RRBP1: variants seen among roughly 807,000 people sequenced by gnomAD.
The protein encoded by RRBP1 is ribosome binding protein 1.
In RRBP1, 94 loss-of-function variants were observed where a neutral mutation model predicts 165.2. The observed-to-expected ratio is 0.57, with a 90% CI of 0.48 to 0.68. The LOEUF is 0.68. Among genes scored for constraint, RRBP1 ranks in the 30% least tolerant of loss-of-function variants. The pLI is 0.00. For missense variants in RRBP1, 1,676 were observed against 1,763.0 expected (o/e 0.95, Z 0.88); for synonymous variants, 680 against 714.5 (o/e 0.95, Z 0.77).
chr20:17,668,178 A>T (rs1217971186), intron 2 of RRBP1, among the ~76,000 whole-genome samples: 1 of 152,206 alleles, frequency 6.6e-6, no homozygotes, highest in African/African-American at 2.4e-5. Context: ...TTGGCCACAC[A>T]GTTCTTCGAA....
intron 13 of RRBP1, 82 bp from the exon 14 acceptor site, chr20:17,622,029 G>C: frequency 1.9e-6 from 2 of 1,028,610 alleles, no homozygotes; most frequent in South Asian, 2.5e-5. Flanking sequence ...TGATATGCCC[G>C]GGTCTCTGCC....
intron 2 of RRBP1, among the ~76,000 whole-genome samples, chr20:17,670,522 A>G (rs1347450489): frequency 2.0e-5 from 3 of 151,152 alleles, no homozygotes; most frequent in Admixed American, 2.0e-4. Flanking sequence ...TAATTCTATT[A>G]TCCCTTCCAA....
chr20:17,681,264 C>T (rs1381674482), intron 1 of RRBP1, among the ~76,000 whole-genome samples: 1 of 148,490 alleles, frequency 6.7e-6, no homozygotes, highest in African/African-American at 2.4e-5. Context: ...CCAGGCTCCG[C>T]GCAGCCCAGC....
chr20:17,653,564 G>T (rs949140521), intron 3 of RRBP1, among the ~76,000 whole-genome samples: 16 of 152,204 alleles, frequency 1.1e-4, no homozygotes, highest in Admixed American at 1.0e-3. Flanking sequence ...GGCCAGGCGC[G>T]GTGGCTCACG....
At chr20:17,652,779 G>A (rs534401405) in intron 3 of RRBP1, among the ~76,000 whole-genome samples, 1 of 152,344 alleles carries the variant, frequency 6.6e-6, no homozygotes, top group South Asian at 2.1e-4. Flanking sequence ...AACAAAGGGA[G>A]GAACCCACGG....
intron 4 of RRBP1, among the ~76,000 whole-genome samples, chr20:17,642,734 C>T (rs943219314): frequency 6.6e-6 from 1 of 152,144 alleles, no homozygotes; most frequent in African/African-American, 2.4e-5. Context: ...GCCCCAGCTC[C>T]CTAGATCCCA....
intron 5 of RRBP1, among the ~76,000 whole-genome samples, chr20:17,639,529 C>T (rs1337529784): frequency 6.6e-6 from 1 of 152,250 alleles, no homozygotes; most frequent in African/African-American, 2.4e-5. Flanking sequence ...GGAACTGCCA[C>T]ACTCTCTGGA....
chr20:17,642,285 G>A (rs763588964), intron 4 of RRBP1, among the ~76,000 whole-genome samples: 4 of 152,208 alleles, frequency 2.6e-5, no homozygotes, highest in Non-Finnish European at 5.9e-5. Flanking sequence ...TGGGGGCCGG[G>A]TACTCTGAGG....
At chr20:17,640,132 G>A (rs572673590) in intron 5 of RRBP1, among the ~76,000 whole-genome samples, 1 of 152,224 alleles carries the variant, frequency 6.6e-6, no homozygotes, top group Non-Finnish European at 1.5e-5. Flanking sequence ...GCTGAGCCTG[G>A]TGAGACCACC....
rs967389084 is a variant in RRBP1 at position 17,660,569 on chromosome 20, G to A, written c.-21-41C>T. 11 of 1,240,062 alleles carry A rather than the reference G, an allele frequency of 8.9e-6. No individual in the cohort carries two copies. In the African/African-American group the frequency reaches 9.0e-5, roughly 10 times the overall value. The allele number at this position is 1,240,062 out of a possible 1,614,324, so 76.8% of individuals were successfully genotyped here. On this transcript the variant is annotated intron_variant, in intron 2 of 24. Transcript: ENST00000377813. ...GGAGGTTACTATTTATAGAAATCAA[G>A]GCCTTCAACAGTTTCTATCCCCACC...
chr20:17,648,129 G>A (rs538775340), intron 3 of RRBP1, among the ~76,000 whole-genome samples: 2 of 152,174 alleles, frequency 1.3e-5, no homozygotes, highest in Non-Finnish European at 2.9e-5. Flanking sequence ...CTCTCAACCT[G>A]AGGAGCCGGC....
At chr20:17,679,188 G>A (rs1460158391) in intron 2 of RRBP1, among the ~76,000 whole-genome samples, 3 of 152,182 alleles carry the variant, frequency 2.0e-5, no homozygotes, top group Non-Finnish European at 2.9e-5. Context: ...TTATTTTAAG[G>A]CCTAAATGTA....
At chr20:17,657,072 C>G (rs918335207) in intron 3 of RRBP1, among the ~76,000 whole-genome samples, 5 of 152,208 alleles carry the variant, frequency 3.3e-5, no homozygotes, top group Admixed American at 3.3e-4. Context: ...CCATGGGATG[C>G]AGGAAGCTGT....
chr20:17,667,222 C>T (rs900794348), intron 2 of RRBP1, among the ~76,000 whole-genome samples: 1 of 152,048 alleles, frequency 6.6e-6, no homozygotes, highest in African/African-American at 2.4e-5. Flanking sequence ...GCCCATAAAA[C>T]CATCAGGATT....
intron 11 of RRBP1, 40 bp from the exon 12 acceptor site, chr20:17,625,642 GGCTACAGCCCCT>G: frequency 6.4e-7 from 1 of 1,555,130 alleles, no homozygotes; most frequent in Admixed American, 1.7e-5. Flanking sequence ...GGCTCCAAGG[GGCTACAGCCCCT>G]ACAGATCCCA....
intron 24 of RRBP1, 124 bp downstream of exon 24, chr20:17,614,613 G>C (rs2035755812): frequency 4.0e-6 from 5 of 1,263,070 alleles, no homozygotes; most frequent in Non-Finnish European, 1.1e-6. Flanking sequence ...CCTCCCCTGG[G>C]GCTCCCAGCC....
Position 17,659,666 on chromosome 20 carries a change from T to G in RRBP1, c.842A>C (p.Lys281Thr). 1 of 1,550,204 alleles carries G rather than the reference T, an allele frequency of 6.5e-7. No homozygotes were observed. Among genetic ancestry groups the G allele is most frequent in the Non-Finnish European group, 8.7e-7 (1 of 1,146,830 alleles). The change falls in exon 3 of 25, where the codon AAG becomes ACG. Residue 281 changes from lysine to threonine, a missense_variant. Coordinates refer to ENST00000377813, the MANE Select transcript of RRBP1 (RefSeq NM_001365613.2). Reference sequence around the variant, plus strand: ...GCCCTGGGTTGGGGCCCCCTCCACCTTTTTCCCCTGGTTTGGGGTTGTATC... The same window carrying G: ...GCCCTGGGTTGGGGCCCCCTCCACCGTTTTCCCCTGGTTTGGGGTTGTATC... ...KVDTTPNQGK[K>T]VEGAPTQGRK...
intron 8 of RRBP1, among the ~76,000 whole-genome samples, chr20:17,633,258 C>T (rs933026272): frequency 2.0e-5 from 3 of 152,208 alleles, no homozygotes; most frequent in African/African-American, 7.2e-5. Flanking sequence ...AGAAAGCTCC[C>T]GCTTGATGCC....
intron 13 of RRBP1, among the ~76,000 whole-genome samples, chr20:17,623,963 C>G (rs2035962877): frequency 6.6e-6 from 1 of 152,110 alleles, no homozygotes; most frequent in Non-Finnish European, 1.5e-5. Flanking sequence ...ACAGAGCCCC[C>G]TGGGCCATGA....
Sources: gnomAD v4.1 joint callset for allele counts (sites outside exome capture counted in the v4.1 genomes callset) on GRCh38, gnomAD v4.1.1 for gene constraint, MANE v1.5 for transcripts, NCBI Gene and HGNC (gene_info 2026-07-23, HGNC 2026-07-21) for gene names.